SLCO4A1: variants seen among roughly 807,000 people sequenced by gnomAD.
SLCO4A1 encodes the protein colon organic anion transporter.
In SLCO4A1, 51 loss-of-function variants were observed where a neutral mutation model predicts 64.6. The observed-to-expected ratio is 0.79, with a 90% CI of 0.63 to 1.00. SLCO4A1 has a LOEUF of 1.00. Ranked by LOEUF, SLCO4A1 falls within the 50% of genes least tolerant of loss-of-function variation. The pLI, the probability that SLCO4A1 is intolerant of heterozygous loss-of-function variation, is 0.00. For synonymous variants in SLCO4A1, 471 were observed against 444.9 expected, an observed-to-expected ratio of 1.06 and a Z score of -0.74; for missense variants, 919 against 980.5, an observed-to-expected ratio of 0.94 and a Z score of 0.84.
chr20:62,675,258 C>T (rs888181506), downstream of SLCO4A1, among the ~76,000 whole-genome samples: 2 of 152,194 alleles, frequency 1.3e-5, no homozygotes, highest in Non-Finnish European at 2.9e-5. Context: ...ATCCATCTCC[C>T]TGCCGGCAGT....
In SLCO4A1 at chr20:62,668,076, G is replaced by C; in HGVS notation, c.1703G>C (p.Gly568Ala). 1 of 1,613,988 alleles carries C rather than the reference G, an allele frequency of 6.2e-7. No homozygotes were observed. Among genetic ancestry groups the C allele is most frequent in the Non-Finnish European group, 8.5e-7 (1 of 1,180,022 alleles). ...TCTGGTTTTGGCCATGCCACTGCAG[G>C]GAAATGCACTTCAACTTGTCAGAGA... ...LSSGFGHATA[G>A]KCTSTCQRKP... Residue 568 changes from glycine (G) to alanine (A), a missense_variant, in exon 9 of 12, where the codon GGG (glycine) becomes GCG (alanine). Physicochemically the swap from Gly to Ala is moderately conservative, Grantham distance 60. Coordinates refer to ENST00000217159, the MANE Select transcript of SLCO4A1 (RefSeq NM_016354.4).
rs1247127011 is a variant in SLCO4A1, at chr20:62,661,998, C to T, written c.1121+823C>T. On this transcript the variant is annotated intron_variant, in intron 5 of 11. Coordinates refer to ENST00000217159, the MANE Select transcript of SLCO4A1 (RefSeq NM_016354.4). This position sits in a 1 kb window ranked among gnomAD's most constrained non-coding sequence, Gnocchi z 5.2. ...GTCCTCAGCGTCTGAGGCCCCAGCA[C>T]GGGGAGACTCTTGTGCCCTTGTAGC... is the stretch of plus-strand genomic sequence containing the variant. Among the ~76,000 whole-genome samples the T allele has an allele frequency of 1.3e-5, 2 of 152,110 alleles. No individual in the cohort carries two copies. The highest frequency in any genetic ancestry group is 2.9e-5 in the Non-Finnish European group (2 of 67,998).
In SLCO4A1 at chr20:62,661,265, A is replaced by G; in HGVS notation, c.1121+90A>G. ...GAGTCGTTGAGACCCCTCCGGGATC[A>G]TGATGGGGACGCAGCCCCTAACCTC... is the stretch of plus-strand genomic sequence containing the variant. On this transcript the variant is annotated intron_variant, in intron 5 of 11. Transcript: ENST00000217159. The surrounding 1 kb of genome is among the most constrained non-coding windows in gnomAD (Gnocchi z 5.2). 1.1e-6 allele frequency: 1 copy of G among 894,200 alleles called. No homozygotes were observed. The allele number at this position is 894,200 out of a possible 1,614,324, so 55.4% of individuals were successfully genotyped here.
Position 62,671,869 on chromosome 20 carries a change from T to A in SLCO4A1, c.2145T>A (p.Asp715Glu), listed in dbSNP as rs759668734. The change falls in exon 12 of 12, where the codon GAT becomes GAA. Residue 715 changes from aspartate (D) to glutamate (E), a missense_variant. Transcript: ENST00000217159. ...CCTCAGCCCCTGACAGTGCCACAGA[T>A]AGCCAGCTCCAGAGCAGCGTCTGAC... Reference protein sequence around the residue: ...SQSSAPDSATDSQLQSSV With the variant: ...SQSSAPDSATESQLQSSV 1 of 1,612,866 alleles carries A rather than the reference T, an allele frequency of 6.2e-7. No individual in the cohort carries two copies. Among genetic ancestry groups the A allele is most frequent in the African/African-American group, 1.3e-5 (1 of 75,064 alleles).
At chr20:62,655,599 C>T (rs561103363) in intron 1 of SLCO4A1, among the ~76,000 whole-genome samples, 16 of 152,130 alleles carry the variant, frequency 1.1e-4, no homozygotes, top group South Asian at 4.1e-4. Context: ...GCAGGGGCAG[C>T]GCAGGGTTCA....
rs560952826 is a variant in SLCO4A1, at chr20:62,658,767, G to A, written c.887G>A (p.Arg296Gln). 7.5e-6 allele frequency: 12 copies of A among 1,605,138 alleles called. No homozygotes were observed. The highest frequency in any genetic ancestry group is 1.7e-5 in the Admixed American group (1 of 59,030). ...LLNIYTEMGR[R>Q]TELTTESPLW... ...AATATCTACACGGAAATGGGCCGAC[G>A]GTGAGTGGCCGCGCACCCAGCTGCC... is the stretch of plus-strand genomic sequence containing the variant. Residue 296 changes from arginine to glutamine, a missense_variant and splice_region_variant, in exon 3 of 12, where the codon CGG becomes CAG. By Grantham distance (43) the Arg-to-Gln change is conservative. Coordinates refer to ENST00000217159, the MANE Select transcript of SLCO4A1 (RefSeq NM_016354.4).
chr20:62,671,759 GTCC>G lies in SLCO4A1; in HGVS notation c.2038_2040del (p.Leu680del). On this transcript the variant is annotated inframe_deletion, in exon 12 of 12. Coordinates refer to ENST00000217159, the MANE Select transcript of SLCO4A1 (RefSeq NM_016354.4). ...GCTCCTCTCTCCCCAGGTGCTGGGC[GTCC>G]TCTTCTTTGCCATAGCCTGCTTCTT... 6.2e-7 allele frequency: 1 copy of G among 1,613,314 alleles called. No individual in the cohort carries two copies.
downstream of SLCO4A1, among the ~76,000 whole-genome samples, chr20:62,687,605 G>A (rs1235174073): frequency 1.3e-5 from 2 of 152,246 alleles, no homozygotes; most frequent in Non-Finnish European, 2.9e-5. Context: ...TCCCTTGGGA[G>A]GCCCCTGCCA....
At position 62,661,512 on chromosome 20, in the gene SLCO4A1, G is replaced by A. The variant is rs1468242810; in HGVS notation, c.1121+337G>A. The stretch of plus-strand genomic sequence containing the variant: ...CACGGAGCAAATCCCTTCCACACCA[G>A]CAAGTCTCCCCGTGGCCTGTGTGTC... On this transcript the variant is annotated intron_variant, in intron 5 of 11. Transcript: ENST00000217159. This position sits in a 1 kb window ranked among gnomAD's most constrained non-coding sequence, Gnocchi z 5.2. Among the ~76,000 whole-genome samples, 1 of 152,118 alleles carries A rather than the reference G, an allele frequency of 6.6e-6. No homozygotes were observed. The highest frequency in any genetic ancestry group is 2.4e-5 in the African/African-American group (1 of 41,408).
intron 5 of SLCO4A1, chr20:62,663,326 G>GCGTTCAT (rs1364463338): frequency 2.0e-5 from 3 of 152,172 alleles, no homozygotes; most frequent in Non-Finnish European, 4.4e-5. Flanking sequence ...ATTCAGAGTT[G>GCGTTCAT]CGTTCATCGG....
Position 62,645,650 on chromosome 20 carries a change from G to GA in SLCO4A1, c.-97+3098dup, listed in dbSNP as rs1981182118. ...TGGGACTACATTTCTGGCGGAAGGT[G>GA]ACTGCTTTTTCAAACCACGTGCCTT... On this transcript the variant is annotated intron_variant, in intron 1 of 11. Coordinates refer to ENST00000217159, the MANE Select transcript of SLCO4A1 (RefSeq NM_016354.4). This position sits in a 1 kb window ranked among gnomAD's most constrained non-coding sequence, Gnocchi z 4.2. Among the ~76,000 whole-genome samples, 1 of 151,862 alleles carries GA rather than the reference G, an allele frequency of 6.6e-6. No homozygotes were observed. Among genetic ancestry groups the GA allele is most frequent in the Non-Finnish European group, 1.5e-5 (1 of 67,940 alleles).
intron 5 of SLCO4A1, among the ~76,000 whole-genome samples, chr20:62,662,387 C>A (rs8125918): frequency 0.36 from 54,238 of 151,902 alleles, 9,866 homozygotes; most frequent in Non-Finnish European, 0.37. Flanking sequence ...CGGCTTAGAG[C>A]TGAGGGTCAG....
chr20:62,687,479 G>A (rs1600705673), downstream of SLCO4A1, among the ~76,000 whole-genome samples: 3 of 152,370 alleles, frequency 2.0e-5, no homozygotes, highest in South Asian at 6.2e-4. Context: ...GGGATGCAGA[G>A]ACACGTCCTT....
chr20:62,690,140 C>A (rs1988182307), downstream of SLCO4A1, among the ~76,000 whole-genome samples: 2 of 152,220 alleles, frequency 1.3e-5, no homozygotes, highest in Non-Finnish European at 2.9e-5. Context: ...TCCTGGCCCC[C>A]TCCCTCGCAT....
chr20:62,649,635 G>C (rs1470204952), intron 1 of SLCO4A1: 2 of 152,348 alleles, frequency 1.3e-5, no homozygotes, highest in Non-Finnish European at 2.9e-5. Context: ...GGGTGGCCTG[G>C]GGGCTGGCCG....
At chr20:62,662,064 C>T (rs1170586354) in intron 5 of SLCO4A1, among the ~76,000 whole-genome samples, 2 of 152,176 alleles carry the variant, frequency 1.3e-5, no homozygotes, top group Non-Finnish European at 2.9e-5. Flanking sequence ...TCTCACTGGC[C>T]ATAGTGGGTG....
In SLCO4A1 at chr20:62,656,341, C is replaced by A. The variant is rs1983704288; in HGVS notation, c.-96-18C>A. ...CGTGGAGAGACGTGAGCTTGCTAAC[C>A]AGACATTCTTCTCACAGGACACACC... On this transcript the variant is annotated intron_variant, in intron 1 of 11. Coordinates refer to ENST00000217159, the MANE Select transcript of SLCO4A1 (RefSeq NM_016354.4). 2.2e-6 allele frequency: 2 copies of A among 900,924 alleles called. No individual in the cohort carries two copies. Among genetic ancestry groups the A allele is most frequent in the African/African-American group, 1.7e-5 (1 of 59,486 alleles). The allele number at this position is 900,924 out of a possible 1,614,324, so 55.8% of individuals were successfully genotyped here.
chr20:62,689,830 G>C (rs144105003), downstream of SLCO4A1, among the ~76,000 whole-genome samples: 41 of 152,334 alleles, frequency 2.7e-4, no homozygotes, highest in African/African-American at 9.6e-4. Flanking sequence ...TGTGTGGGAC[G>C]GGGCACCCAG....
intron 2 of SLCO4A1, among the ~76,000 whole-genome samples, chr20:62,684,299 T>C (rs553285360): frequency 6.6e-6 from 1 of 152,310 alleles, no homozygotes; most frequent in East Asian, 1.9e-4. Flanking sequence ...ACTGGGGTGA[T>C]GAGCTGGGGT....
Sources: allele counts gnomAD v4.1 joint callset (sites outside exome capture counted in the v4.1 genomes callset), GRCh38; gene constraint gnomAD v4.1.1; non-coding constraint Gnocchi (gnomAD v3.1); transcripts MANE v1.5; gene names NCBI Gene and HGNC (gene_info 2026-07-23, HGNC 2026-07-21).